The following ASPH variants were observed in gnomAD, a reference collection of about 807,000 sequenced individuals.
ASPH encodes the protein aspartate beta-hydroxylase, also known as aspartyl/asparaginyl beta-hydroxylase.
Under a neutral mutation model 118.4 loss-of-function variants are expected in ASPH, and 100 were observed. That is an observed-to-expected ratio of 0.84 (90% CI 0.72 to 1.00). The LOEUF (loss-of-function observed/expected upper bound fraction) is 1.00. ASPH is among the 50% of genes least tolerant of loss of function. The pLI, the probability that ASPH is intolerant of heterozygous loss-of-function variation, is 0.00. For missense variants in ASPH, 920 were observed against 919.5 expected (o/e 1.00, Z -0.01); for synonymous variants, 315 against 325.6 (o/e 0.97, Z 0.35).
intron 21 of ASPH, among the ~76,000 whole-genome samples, chr8:61,527,270 A>G (rs1039668606): frequency 6.6e-6 from 1 of 152,186 alleles, no homozygotes; most frequent in African/African-American, 2.4e-5. Flanking sequence ...GTCAAGCAAA[A>G]TGATCAATTA....
chr8:61,568,584 G>A (rs570869887), intron 16 of ASPH, among the ~76,000 whole-genome samples: 1 of 152,302 alleles, frequency 6.6e-6, no homozygotes, highest in Non-Finnish European at 1.5e-5. Flanking sequence ...GCATATATGA[G>A]TCTGAAGTTC....
intron 2 of ASPH, chr8:61,683,768 G>A (rs1829299925): frequency 3.1e-6 from 1 of 322,374 alleles, no homozygotes; most frequent in East Asian, 5.0e-5. Context: ...CATATAGTGA[G>A]AATGAGTACT....
At chr8:61,578,083 TAAGATAC>T in intron 15 of ASPH, 1 of 965,746 alleles carries the variant, frequency 1.0e-6, no homozygotes, top group East Asian at 2.6e-5. Context: ...CAGTTACTTC[TAAGATAC>T]AATGGGGGTA....
intron 14 of ASPH, among the ~76,000 whole-genome samples, chr8:61,611,774 C>T (rs1369851196): frequency 6.6e-6 from 1 of 152,156 alleles, no homozygotes; most frequent in Non-Finnish European, 1.5e-5. Context: ...CACCGCCACC[C>T]TTTCTGACCA....
At chr8:61,705,936 T>C (rs1002932954) in intron 1 of ASPH, among the ~76,000 whole-genome samples, 7 of 152,252 alleles carry the variant, frequency 4.6e-5, no homozygotes, top group Non-Finnish European at 1.0e-4. Context: ...TGTTAACCGC[T>C]GTAGCATCTA....
At chr8:61,644,130 G>T in intron 7 of ASPH, 129 bp from the exon 8 acceptor site, 1 of 730,316 alleles carries the variant, frequency 1.4e-6, no homozygotes, top group Non-Finnish European at 2.3e-6. Flanking sequence ...ATTCAAACAT[G>T]TTCACTCCTG....
intron 3 of ASPH, chr8:61,656,126 G>C (rs762349774): frequency 6.6e-5 from 10 of 152,142 alleles, no homozygotes; most frequent in Admixed American, 6.5e-4. Context: ...TTCAGTCATA[G>C]GAAAGGTTTT....
chr8:61,626,078 ATGTG>A, intron 13 of ASPH: 1 of 1,244,188 alleles, frequency 8.0e-7, no homozygotes, highest in Non-Finnish European at 1.0e-6. Context: ...ATTTTTAGAA[ATGTG>A]TGTTTCTAAA....
chr8:61,583,779 C>A (rs190951600), intron 15 of ASPH, among the ~76,000 whole-genome samples, 165 bp downstream of exon 15: 6 of 152,154 alleles, frequency 3.9e-5, no homozygotes, highest in African/African-American at 1.4e-4. Flanking sequence ...CAATTCTCTT[C>A]CATCTGATTC....
At chr8:61,638,298 T>C (rs1392931555) in intron 11 of ASPH, 24 bp downstream of exon 11, 4 of 1,597,826 alleles carry the variant, frequency 2.5e-6, no homozygotes, top group East Asian at 2.2e-5. Flanking sequence ...TTGCAGAAAA[T>C]ATGTGCTTAC....
chr8:61,510,714 G>C (rs564275117), intron 24 of ASPH, among the ~76,000 whole-genome samples: 10 of 152,316 alleles, frequency 6.6e-5, no homozygotes, highest in Admixed American at 2.0e-4. Flanking sequence ...GTATGGATGT[G>C]TTTAACTCAC....
At chr8:61,615,220 T>C (rs181986077) in intron 14 of ASPH, among the ~76,000 whole-genome samples, 2 of 152,288 alleles carry the variant, frequency 1.3e-5, no homozygotes, top group East Asian at 3.9e-4. Context: ...TAAGCACACA[T>C]GCCCTGAGGA....
At chr8:61,657,554 T>C (rs1395637004) in intron 3 of ASPH, 2 of 152,212 alleles carry the variant, frequency 1.3e-5, no homozygotes, top group East Asian at 3.9e-4. Context: ...CACTATGATC[T>C]TATGGGACCA....
chr8:61,680,800 A>C (rs1319992477), intron 3 of ASPH, 168 bp downstream of exon 3: 1 of 461,126 alleles, frequency 2.2e-6, no homozygotes, highest in Non-Finnish European at 3.8e-6. Flanking sequence ...GACATGAAAG[A>C]GTGTGGAAAA....
At chr8:61,643,325 A>T (rs1564159076) in intron 9 of ASPH, 61 bp downstream of exon 9, 3 of 1,513,004 alleles carry the variant, frequency 2.0e-6, no homozygotes, top group East Asian at 4.5e-5. Context: ...ATGTAAACAC[A>T]GCATGTGATT....
intron 13 of ASPH, chr8:61,624,393 C>T (rs1851997072): frequency 5.1e-6 from 5 of 985,198 alleles, no homozygotes; most frequent in East Asian, 1.1e-4. Context: ...GTTAGAAATA[C>T]GTTAACTGGC....
At chr8:61,573,697 T>C (rs1036228704) in intron 16 of ASPH, among the ~76,000 whole-genome samples, 5 of 152,040 alleles carry the variant, frequency 3.3e-5, no homozygotes, top group African/African-American at 1.2e-4. Context: ...TCCTTATACC[T>C]TATACAAAAA....
chr8:61,597,653 T>C (rs2133283150), intron 14 of ASPH, among the ~76,000 whole-genome samples: 1 of 152,234 alleles, frequency 6.6e-6, no homozygotes. Flanking sequence ...TCAAGTTATT[T>C]AAAATGGAAT....
intron 9 of ASPH, 131 bp from the exon 10 acceptor site, chr8:61,643,051 A>T: frequency 1.2e-6 from 1 of 833,190 alleles, no homozygotes; most frequent in Non-Finnish European, 1.8e-6. Flanking sequence ...ATGTCTGCTC[A>T]GTCAATAATA....
Sources: allele counts gnomAD v4.1 joint callset (sites outside exome capture counted in the v4.1 genomes callset), GRCh38; gene constraint gnomAD v4.1.1; transcripts MANE v1.5; gene names NCBI Gene and HGNC (gene_info 2026-07-23, HGNC 2026-07-21).